BRAF: variants seen among roughly 807,000 people sequenced by gnomAD.
BRAF encodes serine/threonine-protein kinase B-raf.
Under a neutral mutation model 104.6 loss-of-function variants are expected in BRAF, and 16 were observed. The ratio of observed to expected loss-of-function variants is 0.15; its 90% confidence interval spans 0.10 to 0.23. The LOEUF (loss-of-function observed/expected upper bound fraction) is 0.23, where lower values mean the gene tolerates loss of function less well. Among genes scored for constraint, BRAF ranks in the 10% least tolerant of loss-of-function variants. The probability of loss-of-function intolerance (pLI) is 1.00; values close to 1 mark genes in which losing one functional copy is unlikely to be tolerated. For synonymous variants in BRAF, 310 were observed against 341.6 expected, an observed-to-expected ratio of 0.91 and a Z score of 1.02; for missense variants, 541 against 937.3, an observed-to-expected ratio of 0.58 and a Z score of 5.52.
chr7:140,762,846 A>C lies in BRAF; in HGVS notation c.1815-8613T>G, dbSNP rs538128539. 1.5e-3 allele frequency among the ~76,000 whole-genome samples: 227 copies of C among 152,338 alleles called. 2 individuals carry two copies. Among genetic ancestry groups the C allele is most frequent in the African/African-American group, 5.0e-3 (208 of 41,590 alleles). Reference sequence around the variant, plus strand: ...GCTGCCTTCAAGCATCTGTTTAACAAAGCACATCTTGCACCGCCCTTAATC... The same window carrying C: ...GCTGCCTTCAAGCATCTGTTTAACACAGCACATCTTGCACCGCCCTTAATC... On this transcript the variant is annotated intron_variant, in intron 14 of 19. Transcript: ENST00000644969.
chr7:140,820,068 G>A (rs1475774189), intron 3 of BRAF, among the ~76,000 whole-genome samples: 2 of 152,046 alleles, frequency 1.3e-5, no homozygotes, highest in East Asian at 3.9e-4. Flanking sequence ...ATCTTTTGGG[G>A]TAATCAGGTG....
At chr7:140,857,777 C>T (rs1809964662) in intron 1 of BRAF, among the ~76,000 whole-genome samples, 1 of 152,034 alleles carries the variant, frequency 6.6e-6, no homozygotes, top group African/African-American at 2.4e-5. Flanking sequence ...TGAAGGGACT[C>T]CTACTGACCA....
At chr7:140,778,947 C>G (rs1330617251) in intron 12 of BRAF, among the ~76,000 whole-genome samples, 1 of 152,078 alleles carries the variant, frequency 6.6e-6, no homozygotes, top group Non-Finnish European at 1.5e-5. Context: ...TTTACAGCAC[C>G]AGCATCAATC....
chr7:140,807,861 C>A, intron 5 of BRAF, 99 bp downstream of exon 5: 1 of 916,546 alleles, frequency 1.1e-6, no homozygotes, highest in Non-Finnish European at 1.7e-6. Context: ...ATGTCAGTTC[C>A]AAAATTACTC....
downstream of BRAF, among the ~76,000 whole-genome samples, chr7:140,717,614 AGG>A (rs1398961620): frequency 6.6e-6 from 1 of 152,234 alleles, no homozygotes; most frequent in Non-Finnish European, 1.5e-5. Flanking sequence ...AAAAGACAGT[AGG>A]TCCAAGTGTC....
At chr7:140,732,647 G>A (rs547758718) in intron 19 of BRAF, 2 of 152,220 alleles carry the variant, frequency 1.3e-5, no homozygotes, top group African/African-American at 4.8e-5. Flanking sequence ...CATCGCAAAG[G>A]AGACTAGTAA....
intron 3 of BRAF, among the ~76,000 whole-genome samples, chr7:140,810,875 T>C (rs1804187603): frequency 6.6e-6 from 1 of 152,266 alleles, no homozygotes. Context: ...TCAATTTTCA[T>C]ACTATAAACA....
chr7:140,735,416 T>C lies in BRAF; in HGVS notation c.2248-646A>G, dbSNP rs549252678. On this transcript the variant is annotated intron_variant, in intron 18 of 19. Transcript: ENST00000644969. ...GGCACAAAGAAACAGGTTATAATCC[T>C]TGAAGGCATACAGCATGATAATGCA... Among the ~76,000 whole-genome samples, 11 of 152,352 alleles carry C rather than the reference T, an allele frequency of 7.2e-5. No homozygotes were observed. The South Asian group carries it at 2.3e-3, about 32-fold the overall frequency.
At chr7:140,717,417 C>T (rs995912886), downstream of BRAF, among the ~76,000 whole-genome samples, 1 of 152,074 alleles carries the variant, frequency 6.6e-6, no homozygotes, top group Non-Finnish European at 1.5e-5. Flanking sequence ...ATCACAGGTG[C>T]GTGACACCAT....
intron 12 of BRAF, among the ~76,000 whole-genome samples, chr7:140,778,554 A>T (rs1314778981): frequency 6.6e-6 from 1 of 152,074 alleles, no homozygotes; most frequent in Non-Finnish European, 1.5e-5. Flanking sequence ...GATACTTTCA[A>T]TTAGGAAAAT....
chr7:140,719,564 G>A lies in BRAF; in HGVS notation c.*6930C>T. The A allele has an allele frequency of 9.5e-7, 1 of 1,052,786 alleles. No individual in the cohort carries two copies. The highest frequency in any genetic ancestry group is 1.2e-6 in the Non-Finnish European group (1 of 869,484). The allele number at this position is 1,052,786 out of a possible 1,614,324, so 65.2% of individuals were successfully genotyped here. On this transcript the variant is annotated 3_prime_UTR_variant, in exon 20 of 20. Coordinates refer to ENST00000644969, the MANE Select transcript of BRAF (RefSeq NM_001374258.1). The stretch of plus-strand genomic sequence containing the variant: ...AGAAAAACTCCAAAGTACAAATGAA[G>A]GGACCTGAGCAGGAAAGAGAACCAA...
intron 1 of BRAF, among the ~76,000 whole-genome samples, chr7:140,898,679 ATTTGTCC>A: frequency 6.6e-6 from 1 of 152,286 alleles, no homozygotes; most frequent in East Asian, 1.9e-4. Context: ...AAAGTCTCCC[ATTTGTCC>A]TTAATCACAT....
At chr7:140,912,238 A>G (rs1006350592) in intron 1 of BRAF, among the ~76,000 whole-genome samples, 2 of 152,096 alleles carry the variant, frequency 1.3e-5, no homozygotes, top group African/African-American at 4.8e-5. Flanking sequence ...CTACTTTCAC[A>G]TATCCCCAAT....
intron 19 of BRAF, among the ~76,000 whole-genome samples, chr7:140,727,971 C>A (rs1002769064): frequency 6.6e-6 from 1 of 152,178 alleles, no homozygotes; most frequent in African/African-American, 2.4e-5. Context: ...TCCAAGCAAT[C>A]ACTTATATGA....
rs35843886 is a variant in BRAF at position 140,808,351 on chromosome 7, CAAAAA to C, written c.609-294_609-290del. ...CAGAAAATGGATTGTTCCTGGGGTC[CAAAAA>C]AAAAAAAAAAAAAAAAAAAAATCAC... On this transcript the variant is annotated intron_variant, in intron 4 of 19. Coordinates refer to ENST00000644969, the MANE Select transcript of BRAF (RefSeq NM_001374258.1). The C allele has an allele frequency of 0.02, 3,956 of 194,766 alleles. No individual in the cohort carries two copies. Among genetic ancestry groups the C allele is most frequent in the South Asian group, 0.024 (732 of 30,280 alleles). The allele number at this position is 194,766 out of a possible 1,614,324, so 12.1% of individuals were successfully genotyped here.
intron 1 of BRAF, among the ~76,000 whole-genome samples, chr7:140,906,564 C>T (rs1220328666): frequency 2.0e-5 from 3 of 152,188 alleles, no homozygotes; most frequent in African/African-American, 7.2e-5. Context: ...TTGCCACTCT[C>T]TTTGCTCTTT....
At chr7:140,740,264 TC>T in intron 17 of BRAF, 1 of 238,420 alleles carries the variant, frequency 4.2e-6, no homozygotes, top group Non-Finnish European at 8.2e-6. Context: ...CAGTGCCTCT[TC>T]TTTACTTTAA....
intron 10 of BRAF, among the ~76,000 whole-genome samples, chr7:140,785,097 A>G (rs956963691): frequency 6.6e-6 from 1 of 152,214 alleles, no homozygotes; most frequent in African/African-American, 2.4e-5. Context: ...AATATCTAAA[A>G]TATGTTATAA....
chr7:140,915,160 AATTT>A (rs536799721), intron 1 of BRAF, among the ~76,000 whole-genome samples: 1 of 152,012 alleles, frequency 6.6e-6, no homozygotes, highest in African/African-American at 2.4e-5. Context: ...CCAAAATAGA[AATTT>A]ATTTTGCAAA....
Sources: gnomAD v4.1 joint callset for allele counts (sites outside exome capture counted in the v4.1 genomes callset) on GRCh38, gnomAD v4.1.1 for gene constraint, MANE v1.5 for transcripts, NCBI Gene and HGNC (gene_info 2026-07-23, HGNC 2026-07-21) for gene names.